The following ERI1 variants were observed in gnomAD, a reference collection of about 807,000 sequenced individuals.
The protein encoded by ERI1 is 3'-5' exoribonuclease 1.
A neutral mutation model predicts 39.7 loss-of-function variants in ERI1; 39 were observed. That is an observed-to-expected ratio of 0.98 (90% CI 0.76 to 1.28). The LOEUF (loss-of-function observed/expected upper bound fraction) is 1.28. Among genes scored for constraint, ERI1 ranks in the 50% most tolerant of loss-of-function variants. The pLI, the probability that ERI1 is intolerant of heterozygous loss-of-function variation, is 0.00. For missense variants in ERI1, 581 were observed against 416.9 expected, an observed-to-expected ratio of 1.39 and a Z score of -3.43; for synonymous variants, 204 against 149.6, an observed-to-expected ratio of 1.36 and a Z score of -2.65.
chr8:9,030,383 A>T lies in ERI1; in HGVS notation c.*349A>T, dbSNP rs1797502805. 1 of 210,602 alleles carries T rather than the reference A, an allele frequency of 4.7e-6. No individual in the cohort carries two copies. Among genetic ancestry groups the T allele is most frequent in the Non-Finnish European group, 9.9e-6 (1 of 101,336 alleles). 13.0% of individuals were successfully genotyped at this position (210,602 alleles called of 1,614,324 possible). A position where few individuals can be genotyped will look rare whatever the true frequency, so the allele number is the denominator to read the frequency against. ...TGTCATATCTTACTGGTGTTTAAAT[A>T]TGTAATGTGTTTCTTTATTAACATC... is the stretch of plus-strand genomic sequence containing the variant. On this transcript the variant is annotated 3_prime_UTR_variant, in exon 7 of 7. Transcript: ENST00000250263.
At chr8:9,072,199 G>C (rs984469934) in intron 3 of ERI1, among the ~76,000 whole-genome samples, 1 of 152,196 alleles carries the variant, frequency 6.6e-6, no homozygotes, top group African/African-American at 2.4e-5. Flanking sequence ...TGGGTGATCA[G>C]TGTCCTTTGG....
intron 3 of ERI1, among the ~76,000 whole-genome samples, chr8:9,078,703 GC>G (rs1262472669): frequency 6.6e-6 from 1 of 152,180 alleles, no homozygotes; most frequent in Non-Finnish European, 1.5e-5. Flanking sequence ...ACCCAGACCT[GC>G]TGAATCAGTG....
chr8:9,080,847 G>A (rs574125791), intron 3 of ERI1, among the ~76,000 whole-genome samples: 3 of 152,182 alleles, frequency 2.0e-5, no homozygotes, highest in Admixed American at 6.5e-5. Context: ...GGGGCAGACA[G>A]CACAGCCCAG....
chr8:9,005,595 A>T (rs1184943597), intron 1 of ERI1, among the ~76,000 whole-genome samples: 1 of 150,888 alleles, frequency 6.6e-6, no homozygotes. Context: ...GCTCGCTGCA[A>T]GCTCCGCCTC....
rs1815518656 is a variant in ERI1, at chr8:9,002,926, T to C, written c.-138T>C. ...GCTCCCGGAAGTGGGAGGTGGCCGC[T>C]GGAGTTTGTGTGGCCGCCGCCGCGG... On this transcript the variant is annotated 5_prime_UTR_variant, in exon 1 of 7. Transcript: ENST00000250263. The C allele has an allele frequency of 3.7e-6, 2 of 547,454 alleles. No individual in the cohort carries two copies. Among genetic ancestry groups the C allele is most frequent in the Admixed American group, 4.4e-5 (1 of 22,722 alleles). The allele number at this position is 547,454 out of a possible 1,614,324, so 33.9% of individuals were successfully genotyped here. A position where few individuals can be genotyped will look rare whatever the true frequency, so the allele number is the denominator to read the frequency against.
At chr8:9,060,431 A>G (rs1473039435) in intron 3 of ERI1, among the ~76,000 whole-genome samples, 1 of 151,936 alleles carries the variant, frequency 6.6e-6, no homozygotes, top group Non-Finnish European at 1.5e-5. Flanking sequence ...TCCAAGCTTG[A>G]TGTGTAGCGA....
chr8:9,023,143 T>G (rs1818096057), intron 6 of ERI1, among the ~76,000 whole-genome samples: 1 of 152,236 alleles, frequency 6.6e-6, no homozygotes, highest in Admixed American at 6.5e-5. Flanking sequence ...ATGTTTGGTA[T>G]GTTAATACAT....
intron 3 of ERI1, chr8:9,099,740 C>G (rs929037153): frequency 5.3e-5 from 8 of 152,094 alleles, no homozygotes; most frequent in African/African-American, 1.4e-4. Context: ...TTTATTTATC[C>G]TTTTACCTAT....
At chr8:9,051,168 A>C (rs13256832) in intron 3 of ERI1, among the ~76,000 whole-genome samples, 4 of 151,778 alleles carry the variant, frequency 2.6e-5, no homozygotes, top group African/African-American at 9.7e-5. Flanking sequence ...ATGTATGTAT[A>C]TATGAATATA....
At chr8:9,056,789 G>A (rs960211697) in intron 3 of ERI1, among the ~76,000 whole-genome samples, 5 of 152,080 alleles carry the variant, frequency 3.3e-5, no homozygotes, top group African/African-American at 4.8e-5. Flanking sequence ...TTGATTACCC[G>A]TCAATTTTGA....
intron 3 of ERI1, among the ~76,000 whole-genome samples, chr8:9,089,203 T>C (rs911019648): frequency 6.6e-6 from 1 of 152,222 alleles, no homozygotes; most frequent in Non-Finnish European, 1.5e-5. Flanking sequence ...GTAAAACATA[T>C]AGGCCAAAGG....
downstream of ERI1, among the ~76,000 whole-genome samples, chr8:9,034,679 A>T (rs1797784482): frequency 6.6e-6 from 1 of 152,192 alleles, no homozygotes; most frequent in South Asian, 2.1e-4. Context: ...AAATTAGGGC[A>T]ATTAATAAGC....
At chr8:9,025,671 C>T (rs1009060358) in intron 6 of ERI1, among the ~76,000 whole-genome samples, 1 of 151,110 alleles carries the variant, frequency 6.6e-6, no homozygotes, top group Non-Finnish European at 1.5e-5. Context: ...TTTGGGCACT[C>T]TCTAGGACTT....
At chr8:9,022,196 G>C (rs946501842) in intron 6 of ERI1, among the ~76,000 whole-genome samples, 4 of 152,004 alleles carry the variant, frequency 2.6e-5, no homozygotes, top group Non-Finnish European at 5.9e-5. Context: ...TAAATCTGAC[G>C]GGTGTGTGAT....
intron 3 of ERI1, among the ~76,000 whole-genome samples, chr8:9,070,270 A>C (rs1042442363): frequency 2.6e-5 from 4 of 151,998 alleles, no homozygotes; most frequent in Non-Finnish European, 5.9e-5. Context: ...CCAAAACTAA[A>C]AAGACTATTA....
chr8:9,005,143 C>G (rs900581715), intron 1 of ERI1, among the ~76,000 whole-genome samples: 6 of 152,076 alleles, frequency 3.9e-5, no homozygotes, highest in African/African-American at 1.4e-4. Context: ...CAGAACTCTC[C>G]TTTTGGAAGA....
At chr8:9,080,284 C>G (rs921289206) in intron 3 of ERI1, among the ~76,000 whole-genome samples, 2 of 152,168 alleles carry the variant, frequency 1.3e-5, no homozygotes, top group African/African-American at 2.4e-5. Flanking sequence ...CATTTATTTT[C>G]TCAACTGTAT....
chr8:9,037,681 C>G (rs766672856), downstream of ERI1, among the ~76,000 whole-genome samples: 7 of 152,064 alleles, frequency 4.6e-5, no homozygotes, highest in Non-Finnish European at 1.0e-4. Flanking sequence ...GTCCTGACTG[C>G]CGTGATGAAT....
At chr8:9,088,778 T>C (rs1209673867) in intron 3 of ERI1, among the ~76,000 whole-genome samples, 1 of 152,210 alleles carries the variant, frequency 6.6e-6, no homozygotes, top group Non-Finnish European at 1.5e-5. Context: ...ATCCACCTCA[T>C]TGCTCACATG....
Sources: allele counts gnomAD v4.1 joint callset (sites outside exome capture counted in the v4.1 genomes callset), GRCh38; gene constraint gnomAD v4.1.1; transcripts MANE v1.5; gene names NCBI Gene and HGNC (gene_info 2026-07-23, HGNC 2026-07-21).